RBFOX1: variants seen among roughly 807,000 people sequenced by gnomAD.
RBFOX1 encodes RNA binding fox-1 homolog 1, also known as RNA binding protein fox-1 homolog 1.
RBFOX1 carries 8 observed loss-of-function variants against 57.7 expected under a neutral mutation model. That is an observed-to-expected ratio of 0.14 (90% CI 0.08 to 0.25). The LOEUF is 0.25. Among genes scored for constraint, RBFOX1 ranks in the 10% least tolerant of loss-of-function variants. The pLI is 1.00. For synonymous variants in RBFOX1, 326 were observed against 222.4 expected (o/e 1.47, Z -4.15); for missense variants, 611 against 548.5 (o/e 1.11, Z -1.14).
rs572303051 is a variant in RBFOX1 at position 6,655,958 on chromosome 16, C to T, written c.-16+1308C>T. Among the ~76,000 whole-genome samples the T allele has an allele frequency of 2.6e-5, 4 of 152,270 alleles. No individual in the cohort carries two copies. The East Asian group carries it at 7.7e-4, about 29-fold the overall frequency. ...CATTATTTTAGGGAGTGTTAATCTC[C>T]TCACATTGGGAAGAATAATGATACA... On this transcript the variant is annotated intron_variant, in intron 3 of 15. Transcript: ENST00000550418.
At chr16:7,135,545 G>T (rs554778004) in intron 4 of RBFOX1, among the ~76,000 whole-genome samples, 84 of 152,334 alleles carry the variant, frequency 5.5e-4, no homozygotes, top group African/African-American at 1.9e-3. Flanking sequence ...GATAATTAAG[G>T]TAACAACTTG....
chr16:7,605,510 G>C (rs1278804529), intron 9 of RBFOX1, among the ~76,000 whole-genome samples: 2 of 152,188 alleles, frequency 1.3e-5, no homozygotes, highest in African/African-American at 4.8e-5. Flanking sequence ...GGTTGGAACT[G>C]AAAGTTCTTA....
At chr16:6,792,911 T>C (rs1367329646) in intron 3 of RBFOX1, among the ~76,000 whole-genome samples, 1 of 151,592 alleles carries the variant, frequency 6.6e-6, no homozygotes, top group Non-Finnish European at 1.5e-5. Flanking sequence ...GCACCTGTAA[T>C]CCAAGCTACT....
intron 1 of RBFOX1, among the ~76,000 whole-genome samples, chr16:5,435,621 G>A (rs760817723): frequency 6.6e-6 from 1 of 152,164 alleles, no homozygotes; most frequent in Non-Finnish European, 1.5e-5. Flanking sequence ...ACTCTGTCTA[G>A]TTCTTGCGTC....
intron 4 of RBFOX1, among the ~76,000 whole-genome samples, chr16:7,492,426 C>G (rs950372372): frequency 1.3e-5 from 2 of 152,098 alleles, no homozygotes; most frequent in Admixed American, 6.6e-5. Flanking sequence ...TCTTTAGTTT[C>G]CTAGAACTGT....
intron 2 of RBFOX1, among the ~76,000 whole-genome samples, chr16:6,619,209 C>T (rs923501878): frequency 3.9e-5 from 6 of 152,108 alleles, no homozygotes; most frequent in Non-Finnish European, 7.4e-5. Flanking sequence ...GCCTCTGTCC[C>T]CCCCTTAAAC....
intron 2 of RBFOX1, among the ~76,000 whole-genome samples, chr16:6,336,291 C>G (rs2152817402): frequency 7.0e-6 from 1 of 142,574 alleles, no homozygotes; most frequent in African/African-American, 2.6e-5. Flanking sequence ...CTCCGCCTCC[C>G]AGGTTCACGC....
intron 1 of RBFOX1, among the ~76,000 whole-genome samples, chr16:6,264,655 C>T (rs1241275232): frequency 6.6e-6 from 1 of 152,210 alleles, no homozygotes; most frequent in East Asian, 1.9e-4. Context: ...TCTTCCCCTT[C>T]CTTGTCTTCA....
chr16:7,500,075 T>C (rs1026456720), intron 4 of RBFOX1, among the ~76,000 whole-genome samples: 2 of 152,100 alleles, frequency 1.3e-5, no homozygotes, highest in Non-Finnish European at 2.9e-5. Flanking sequence ...CCCACTGGGC[T>C]CAGCATTCAA....
chr16:5,533,206 G>C (rs2044556020), intron 2 of RBFOX1, among the ~76,000 whole-genome samples: 1 of 152,142 alleles, frequency 6.6e-6, no homozygotes, highest in East Asian at 1.9e-4. Flanking sequence ...TGCAGGCTAG[G>C]GGCTGCGGAC....
intron 4 of RBFOX1, among the ~76,000 whole-genome samples, chr16:7,064,997 C>T (rs892531541): frequency 1.3e-5 from 2 of 152,158 alleles, no homozygotes; most frequent in Admixed American, 1.3e-4. Context: ...CCACATACAA[C>T]AAATCAGATG....
intron 3 of RBFOX1, among the ~76,000 whole-genome samples, chr16:5,830,608 G>T (rs148401536): frequency 8.1e-4 from 124 of 152,250 alleles, no homozygotes; most frequent in Non-Finnish European, 1.5e-3. Flanking sequence ...GATCTGGGAG[G>T]TGAGAAAAGA....
chr16:5,600,661 G>A (rs1045564345), downstream of RBFOX1, among the ~76,000 whole-genome samples: 11 of 151,998 alleles, frequency 7.2e-5, no homozygotes, highest in Non-Finnish European at 1.3e-4. Context: ...AGGGCCCACT[G>A]CTTGGTGCTT....
At chr16:7,183,498 A>G (rs2083137417) in intron 4 of RBFOX1, among the ~76,000 whole-genome samples, 1 of 152,220 alleles carries the variant, frequency 6.6e-6, no homozygotes, top group South Asian at 2.1e-4. Context: ...AATTTTAGCT[A>G]TAAGAGATGC....
chr16:5,391,622 A>T (rs551202454), intron 1 of RBFOX1, among the ~76,000 whole-genome samples: 9 of 152,218 alleles, frequency 5.9e-5, no homozygotes, highest in African/African-American at 2.2e-4. Flanking sequence ...GTTCCTCCTG[A>T]AGGCTGTCTG....
intron 4 of RBFOX1, among the ~76,000 whole-genome samples, chr16:7,274,550 A>C (rs1033634255): frequency 1.3e-5 from 2 of 152,300 alleles, no homozygotes; most frequent in Non-Finnish European, 1.5e-5. Flanking sequence ...TGCTTCTGAC[A>C]CTAACCTTAA....
intron 1 of RBFOX1, among the ~76,000 whole-genome samples, chr16:6,239,681 A>G (rs11640089): frequency 0.19 from 28,167 of 151,544 alleles, 3,109 homozygotes; most frequent in African/African-American, 0.31. Context: ...TGTTTTTAGT[A>G]GAGACGGGGG....
chr16:7,035,562 T>C (rs912045824), intron 3 of RBFOX1, among the ~76,000 whole-genome samples: 1 of 152,204 alleles, frequency 6.6e-6, no homozygotes, highest in African/African-American at 2.4e-5. Flanking sequence ...TGTGAAAATA[T>C]TTTCTTTCTG....
chr16:7,518,155 G>A lies in RBFOX1; in HGVS notation c.36G>A (p.Gln12=), dbSNP rs1278988978. The change falls in exon 5 of 16, where the codon CAG becomes CAA. Residue 12 remains glutamine (Q), a synonymous_variant. Coordinates refer to ENST00000550418, the MANE Select transcript of RBFOX1 (RefSeq NM_018723.4). Reference sequence around the variant, plus strand: ...CCTTTTTGATTTTTCAGGGTAATCAGGAAGCAGCCGCTGCCCCTGACACAA... The same window carrying A: ...CCTTTTTGATTTTTCAGGGTAATCAAGAAGCAGCCGCTGCCCCTGACACAA... ...NCEREQLRGN[Q]EAAAAPDTMA... is the part of the protein sequence containing the mutation. 2.5e-6 allele frequency: 4 copies of A among 1,610,636 alleles called. No individual in the cohort carries two copies. Among genetic ancestry groups the A allele is most frequent in the Middle Eastern group, 3.3e-4 (2 of 6,038 alleles).
Sources: allele counts gnomAD v4.1 joint callset (sites outside exome capture counted in the v4.1 genomes callset), GRCh38; gene constraint gnomAD v4.1.1; transcripts MANE v1.5; gene names NCBI Gene and HGNC (gene_info 2026-07-23, HGNC 2026-07-21).